JAKMIP3: variants seen among roughly 807,000 people sequenced by gnomAD.
JAKMIP3 encodes janus kinase and microtubule-interacting protein 3.
A neutral mutation model predicts 118.5 loss-of-function variants in JAKMIP3; 58 were observed. The ratio of observed to expected loss-of-function variants is 0.49; its 90% CI spans 0.40 to 0.61. JAKMIP3 has a LOEUF of 0.61. Ranked by LOEUF, JAKMIP3 falls within the 20% of genes least tolerant of loss-of-function variation. The pLI, the probability that JAKMIP3 is intolerant of heterozygous loss-of-function variation, is 0.00. For missense variants in JAKMIP3, 950 were observed against 1,109.0 expected (o/e 0.86, Z 2.04); for synonymous variants, 486 against 451.2 (o/e 1.08, Z -0.98).
chr10:132,145,959 A>C (rs2054518291), intron 13 of JAKMIP3, among the ~76,000 whole-genome samples: 1 of 152,148 alleles, frequency 6.6e-6, no homozygotes, highest in East Asian at 1.9e-4. Context: ...GGGTCAGGGA[A>C]GTCTCCTTCC....
At chr10:132,102,668 C>T (rs11146172) in intron 1 of JAKMIP3, among the ~76,000 whole-genome samples, 26,679 of 152,162 alleles carry the variant, frequency 0.18, 2,417 homozygotes, top group East Asian at 0.2. Flanking sequence ...TTTCACCCTC[C>T]CTCTGTGAGG....
At chr10:132,139,171 T>C (rs1414359163) in intron 9 of JAKMIP3, among the ~76,000 whole-genome samples, 1 of 112,784 alleles carries the variant, frequency 8.9e-6, no homozygotes, top group Non-Finnish European at 1.7e-5. Flanking sequence ...TGTACATGTG[T>C]GTATGTGTCT....
upstream of JAKMIP3, among the ~76,000 whole-genome samples, chr10:132,036,622 G>A (rs1405690202): frequency 6.6e-6 from 1 of 151,186 alleles, no homozygotes; most frequent in South Asian, 2.1e-4. Context: ...GCGGCGGGGC[G>A]GGCCGGGTTC....
intron 8 of JAKMIP3, 64 bp from the exon 9 acceptor site, chr10:132,138,055 C>A (rs1254170281): frequency 1.4e-6 from 2 of 1,469,220 alleles, no homozygotes; most frequent in Admixed American, 1.8e-5. Context: ...GGGCAGTAAA[C>A]CGTGGACTGA....
chr10:132,180,638 C>CAT (rs2060929589), intron 23 of JAKMIP3, among the ~76,000 whole-genome samples: 2 of 9,376 alleles, frequency 2.1e-4, no homozygotes, highest in Admixed American at 1.4e-3. Flanking sequence ...TGTGTGCGTG[C>CAT]GTGTGTGCGT....
intron 1 of JAKMIP3, among the ~76,000 whole-genome samples, chr10:132,069,314 C>G (rs2039444069): frequency 6.6e-6 from 1 of 152,074 alleles, no homozygotes; most frequent in Non-Finnish European, 1.5e-5. Context: ...GACACTGGGT[C>G]TGTGTTACAC....
At chr10:132,102,873 TA>T (rs933049758) in intron 1 of JAKMIP3, among the ~76,000 whole-genome samples, 28 of 147,814 alleles carry the variant, frequency 1.9e-4, no homozygotes, top group African/African-American at 4.8e-4. Flanking sequence ...GATGCAGGAG[TA>T]GGGGGGGAGG....
chr10:132,103,420 T>TGG (rs1287686880), intron 1 of JAKMIP3, among the ~76,000 whole-genome samples: 3 of 52,936 alleles, frequency 5.7e-5, no homozygotes, highest in African/African-American at 3.4e-4. Flanking sequence ...GAGGAGCAGC[T>TGG]GGAGGGGAGG....
chr10:132,155,391 A>G (rs1356175785), intron 19 of JAKMIP3, among the ~76,000 whole-genome samples: 1 of 152,248 alleles, frequency 6.6e-6, no homozygotes, highest in South Asian at 2.1e-4. Context: ...GAATGTCAGC[A>G]TTCTTCTCCT....
chr10:132,058,945 G>A (rs572660132), intron 1 of JAKMIP3, among the ~76,000 whole-genome samples: 23 of 152,204 alleles, frequency 1.5e-4, no homozygotes, highest in Non-Finnish European at 2.6e-4. Context: ...GCATCGCGTC[G>A]CGCCCACGTG....
intron 3 of JAKMIP3, among the ~76,000 whole-genome samples, chr10:132,124,984 A>G (rs2049241011): frequency 6.6e-6 from 1 of 152,220 alleles, no homozygotes; most frequent in African/African-American, 2.4e-5. Flanking sequence ...CCATTAAGCC[A>G]GAGTATTCAC....
At chr10:132,128,235 T>C (rs2049980959) in intron 3 of JAKMIP3, among the ~76,000 whole-genome samples, 1 of 152,256 alleles carries the variant, frequency 6.6e-6, no homozygotes, top group African/African-American at 2.4e-5. Flanking sequence ...GTCCTGCCAG[T>C]GTCCTCTGAT....
At chr10:132,148,559 T>A (rs1225248003) in intron 14 of JAKMIP3, among the ~76,000 whole-genome samples, 1 of 152,012 alleles carries the variant, frequency 6.6e-6, no homozygotes, top group African/African-American at 2.4e-5. Flanking sequence ...CTGCAGCTGG[T>A]GTGGGGCTCT....
At chr10:132,176,860 C>T (rs543808997) in intron 23 of JAKMIP3, among the ~76,000 whole-genome samples, 15 of 151,968 alleles carry the variant, frequency 9.9e-5, no homozygotes, top group African/African-American at 3.1e-4. Context: ...GCGCTGGTGC[C>T]GCGACTCCTC....
At position 132,150,056 on chromosome 10, in the gene JAKMIP3, T is replaced by G; in HGVS notation, c.2007+15T>G. 1.9e-6 allele frequency: 3 copies of G among 1,586,868 alleles called. No individual in the cohort carries two copies. The highest frequency in any genetic ancestry group is 2.6e-6 in the Non-Finnish European group (3 of 1,166,600). On this transcript the variant is annotated intron_variant, in intron 16 of 23. Coordinates refer to ENST00000684848, the MANE Select transcript of JAKMIP3 (RefSeq NM_001323087.2). ...ACGCCGTAAGTGTATGTCGCTCTCC[T>G]GGCTTGTGCATGCCTCTTACACCCA...
chr10:132,138,289 T>C, intron 9 of JAKMIP3, 111 bp downstream of exon 9: 2 of 903,846 alleles, frequency 2.2e-6, no homozygotes, highest in Non-Finnish European at 3.3e-6. Context: ...TGCGCCGGTG[T>C]ACGTGGAGGG....
intron 2 of JAKMIP3, among the ~76,000 whole-genome samples, chr10:132,108,083 T>A (rs2046199650): frequency 6.6e-6 from 1 of 152,198 alleles, no homozygotes; most frequent in African/African-American, 2.4e-5. Flanking sequence ...TTCAAGATCA[T>A]GGCTCGGCGT....
rs186941667 is a variant in JAKMIP3, at chr10:132,168,759, G to A, written c.*829G>A. Reference sequence around the variant, plus strand: ...GAGGTGGGACGAGGGGGCGGAGCTGGCTGGAACACGGATGCCAGAGGCTGC... The same window carrying A: ...GAGGTGGGACGAGGGGGCGGAGCTGACTGGAACACGGATGCCAGAGGCTGC... On this transcript the variant is annotated 3_prime_UTR_variant, in exon 23 of 24. Transcript: ENST00000684848. 3.9e-6 allele frequency: 1 copy of A among 254,422 alleles called. No homozygotes were observed. The highest frequency in any genetic ancestry group is 7.7e-6 in the Non-Finnish European group (1 of 129,972). The allele number at this position is 254,422 out of a possible 1,614,324, so 15.8% of individuals were successfully genotyped here.
At position 132,159,487 on chromosome 10, in the gene JAKMIP3, G is replaced by A. The variant is rs182263130; in HGVS notation, c.2221-3722G>A. Reference sequence around the variant, plus strand: ...GGCTCTCTTCCTGTGTAATGCTGGAGGAGGCTCTCCCTGTGTGATGCTGGG... The same window carrying A: ...GGCTCTCTTCCTGTGTAATGCTGGAAGAGGCTCTCCCTGTGTGATGCTGGG... On this transcript the variant is annotated intron_variant, in intron 19 of 23. Transcript: ENST00000684848. 3.7e-3 allele frequency among the ~76,000 whole-genome samples: 526 copies of A among 142,634 alleles called. 6 individuals are homozygous for A. The highest frequency in any genetic ancestry group is 0.013 in the African/African-American group (481 of 37,798). The allele number at this position is 142,634 out of a possible 152,430, so 93.6% of individuals were successfully genotyped here.
Sources: allele counts gnomAD v4.1 joint callset (sites outside exome capture counted in the v4.1 genomes callset), GRCh38; gene constraint gnomAD v4.1.1; transcripts MANE v1.5; gene names NCBI Gene and HGNC (gene_info 2026-07-23, HGNC 2026-07-21).